SV2C: variants seen among roughly 807,000 people sequenced by gnomAD.
SV2C encodes solute carrier family 22 member B3.
A neutral mutation model predicts 79.7 loss-of-function variants in SV2C; 49 were observed. The observed-to-expected ratio is 0.61, with a 90% confidence interval of 0.49 to 0.78. The LOEUF is 0.78. Ranked by LOEUF, SV2C falls within the 30% of genes least tolerant of loss-of-function variation. SV2C has a pLI of 0.00. For synonymous variants in SV2C, 334 were observed against 333.2 expected (o/e 1.00, Z -0.03); for missense variants, 833 against 912.9 (o/e 0.91, Z 1.13).
intron 4 of SV2C, among the ~76,000 whole-genome samples, chr5:76,272,837 T>C (rs895867855): frequency 6.6e-6 from 1 of 152,126 alleles, no homozygotes; most frequent in African/African-American, 2.4e-5. Flanking sequence ...TATGTGTTCA[T>C]AAAATCAGCA....
rs183147039 is a variant in SV2C at position 76,255,344 on chromosome 5, G to A, written c.914-29818G>A. Among the ~76,000 whole-genome samples, 284 of 152,288 alleles carry A rather than the reference G, an allele frequency of 1.9e-3. 2 individuals are homozygous for A. The highest frequency in any genetic ancestry group is 6.1e-3 in the African/African-American group (253 of 41,552). On this transcript the variant is annotated intron_variant, in intron 4 of 12. Transcript: ENST00000502798. ...CGCATTCTGGTTATAATGATAGCAC[G>A]TGGTTTGGAGACAGGATCAGCCGGT...
the SV2C span, among the ~76,000 whole-genome samples, chr5:75,856,658 G>C: frequency 6.6e-6 from 1 of 151,990 alleles, no homozygotes; most frequent in Non-Finnish European, 1.5e-5. Context: ...TTTTTTCCTA[G>C]ATAGTTGTTT....
At chr5:75,968,719 T>C in the SV2C span, among the ~76,000 whole-genome samples, 1 of 152,100 alleles carries the variant, frequency 6.6e-6, no homozygotes, top group Non-Finnish European at 1.5e-5. Context: ...CTGAAAGTGA[T>C]AGGAGAATGG....
chr5:75,931,753 T>A, the SV2C span, among the ~76,000 whole-genome samples: 4 of 152,230 alleles, frequency 2.6e-5, no homozygotes, highest in African/African-American at 9.6e-5. Flanking sequence ...GAATATTGAT[T>A]GGGTTCTTTT....
chr5:76,089,515 AT>A (rs1280705135), intron 1 of SV2C, among the ~76,000 whole-genome samples: 1 of 152,212 alleles, frequency 6.6e-6, no homozygotes, highest in African/African-American at 2.4e-5. Context: ...TTGTAATAGA[AT>A]GATTTATATT....
intron 4 of SV2C, among the ~76,000 whole-genome samples, chr5:76,210,780 A>G (rs1472504248): frequency 1.3e-5 from 2 of 152,192 alleles, no homozygotes; most frequent in African/African-American, 4.8e-5. Flanking sequence ...GCCCACCAAC[A>G]GTTGTCTCGT....
At chr5:76,171,952 C>T (rs1265753338) in intron 2 of SV2C, among the ~76,000 whole-genome samples, 11 of 129,408 alleles carry the variant, frequency 8.5e-5, no homozygotes, top group East Asian at 4.8e-4. Context: ...GTCAGCCCCC[C>T]GCCTGGCCAG....
chr5:75,851,775 C>T, the SV2C span, among the ~76,000 whole-genome samples: 399 of 152,338 alleles, frequency 2.6e-3, 1 homozygote, highest in African/African-American at 9.2e-3. Context: ...TCAGCCTCCC[C>T]AGCAGCTGGG....
intron 4 of SV2C, among the ~76,000 whole-genome samples, chr5:76,275,253 C>T (rs755859637): frequency 9.2e-5 from 14 of 152,156 alleles, no homozygotes; most frequent in African/African-American, 2.9e-4. Flanking sequence ...TTTGGGAGGC[C>T]GAGGCGGGCA....
intron 1 of SV2C, among the ~76,000 whole-genome samples, chr5:76,120,295 C>T (rs1748437222): frequency 1.5e-5 from 2 of 134,666 alleles, no homozygotes; most frequent in African/African-American, 5.9e-5. Flanking sequence ...TTTTTTTTTT[C>T]AGCTACGCAT....
chr5:75,879,468 A>AGT, the SV2C span, among the ~76,000 whole-genome samples: 1,023 of 152,292 alleles, frequency 6.7e-3, 7 homozygotes, highest in African/African-American at 0.023. Flanking sequence ...GGGCCCCATG[A>AGT]GAGTCTGAAA....
At chr5:75,897,441 A>G in the SV2C span, among the ~76,000 whole-genome samples, 2,403 of 151,646 alleles carry the variant, frequency 0.016, 19 homozygotes, top group African/African-American at 0.043. Flanking sequence ...CTGTTTTAGT[A>G]CCAGTACCAT....
intron 6 of SV2C, 64 bp from the exon 7 acceptor site, chr5:76,291,157 A>G: frequency 2.4e-6 from 3 of 1,260,328 alleles, no homozygotes; most frequent in East Asian, 2.5e-5. Context: ...AAAACAAATT[A>G]TAACCCTACA....
At chr5:76,104,497 G>C (rs1747845577) in intron 1 of SV2C, among the ~76,000 whole-genome samples, 1 of 152,276 alleles carries the variant, frequency 6.6e-6, no homozygotes, top group African/African-American at 2.4e-5. Context: ...TAATCCTTCT[G>C]CCTTGGTCTC....
chr5:75,898,501 TTCA>T, the SV2C span, among the ~76,000 whole-genome samples: 3 of 152,226 alleles, frequency 2.0e-5, no homozygotes, highest in Non-Finnish European at 1.5e-5. Flanking sequence ...TGCATCAATG[TTCA>T]TCAAGGATAT....
At chr5:76,066,795 TA>T in the SV2C span, among the ~76,000 whole-genome samples, 18,972 of 122,044 alleles carry the variant, frequency 0.16, 2,740 homozygotes, top group African/African-American at 0.41. Context: ...AGGACCCTGT[TA>T]AAAAAAAAAA....
At chr5:76,312,038 G>T (rs1207397722) in intron 12 of SV2C, among the ~76,000 whole-genome samples, 1 of 152,118 alleles carries the variant, frequency 6.6e-6, no homozygotes, top group Non-Finnish European at 1.5e-5. Flanking sequence ...ATCCATCAGG[G>T]TCCCTACTTT....
chr5:75,899,557 A>C, the SV2C span, among the ~76,000 whole-genome samples: 2 of 152,078 alleles, frequency 1.3e-5, no homozygotes, highest in South Asian at 4.2e-4. Context: ...TTTGGGGTGG[A>C]GAGTTCTGTA....
intron 2 of SV2C, among the ~76,000 whole-genome samples, chr5:76,179,275 C>T (rs923173774): frequency 2.6e-5 from 4 of 152,118 alleles, no homozygotes; most frequent in Admixed American, 1.3e-4. Flanking sequence ...AATGAATGAA[C>T]GAATGCAGTG....
Sources: allele counts gnomAD v4.1 joint callset (sites outside exome capture counted in the v4.1 genomes callset), GRCh38; gene constraint gnomAD v4.1.1; transcripts MANE v1.5; gene names NCBI Gene and HGNC (gene_info 2026-07-23, HGNC 2026-07-21).